Variants in RABEPK observed in about 807,000 individuals in gnomAD.
The protein encoded by RABEPK is Rab9 effector protein with kelch motifs, also known as 40 kDa Rab9 effector protein.
Under a neutral mutation model 34.1 loss-of-function variants are expected in RABEPK, and 27 were observed. That is an observed-to-expected ratio of 0.79 (90% CI 0.58 to 1.09). RABEPK has a LOEUF of 1.09. Ranked by LOEUF, RABEPK falls within the 50% of genes least tolerant of loss-of-function variation. The pLI, the probability that RABEPK is intolerant of heterozygous loss-of-function variation, is 0.00. For missense variants in RABEPK, 449 were observed against 462.6 expected, an observed-to-expected ratio of 0.97 and a Z score of 0.27; for synonymous variants, 172 against 169.2, an observed-to-expected ratio of 1.02 and a Z score of -0.13.
intron 6 of RABEPK, 61 bp from the exon 7 acceptor site, chr9:125,232,535 G>A (rs1588420748): frequency 6.5e-7 from 1 of 1,532,464 alleles, no homozygotes; most frequent in Non-Finnish European, 8.8e-7. Flanking sequence ...ACAGTAGATA[G>A]ATAAGTTTGA....
intron 1 of RABEPK, among the ~76,000 whole-genome samples, chr9:125,202,649 G>A (rs1165482867): frequency 6.6e-6 from 1 of 152,058 alleles, no homozygotes; most frequent in African/African-American, 2.4e-5. Context: ...GACCAACATG[G>A]TGAAACTCCA....
Position 125,224,189 on chromosome 9 carries a change from C to CT in RABEPK, c.526+3490dup, listed in dbSNP as rs1245274729. ...CCAGCCTGGGCAACAGAGCAACACT[C>CT]TATCTCAAAAAACAAAAACAAAACA... On this transcript the variant is annotated intron_variant, in intron 5 of 7. Coordinates refer to ENST00000373538, the MANE Select transcript of RABEPK (RefSeq NM_005833.4). 1.5e-4 allele frequency among the ~76,000 whole-genome samples: 22 copies of CT among 145,458 alleles called. No individual in the cohort carries two copies. The South Asian group carries it at 2.9e-3, about 19-fold the overall frequency.
Position 125,200,573 on chromosome 9 carries a change from C to A in RABEPK, c.-340C>A. 2.4e-6 allele frequency: 1 copy of A among 409,322 alleles called. No homozygotes were observed. Among genetic ancestry groups the A allele is most frequent in the Middle Eastern group, 4.0e-4 (1 of 2,492 alleles). 25.4% of individuals were successfully genotyped at this position (409,322 alleles called of 1,614,324 possible). On this transcript the variant is annotated 5_prime_UTR_variant, in exon 1 of 8. Coordinates refer to ENST00000373538, the MANE Select transcript of RABEPK (RefSeq NM_005833.4). The stretch of plus-strand genomic sequence containing the variant: ...ACGGCTCGCGACTGGCCTAAGTCGC[C>A]GCAGGTATTGCAGTCCGGGGCTGGA...
chr9:125,227,768 G>C, intron 5 of RABEPK, 142 bp from the exon 6 acceptor site: 1 of 560,418 alleles, frequency 1.8e-6, no homozygotes, highest in South Asian at 4.5e-5. Context: ...ATTGGCTGGG[G>C]GAGTTGGAGT....
Position 125,228,011 on chromosome 9 carries a change from G to T in RABEPK, c.628G>T (p.Gly210Cys). The T allele has an allele frequency of 1.2e-6, 2 of 1,605,962 alleles. No individual in the cohort carries two copies. The highest frequency in any genetic ancestry group is 1.7e-6 in the Non-Finnish European group (2 of 1,175,270). ...AGGGACAAAGCTCTTCATCCACGGAGGCTTGGCGGGGGACAGATTCTATGA... is the reference window on the plus strand; with the variant it reads ...AGGGACAAAGCTCTTCATCCACGGATGCTTGGCGGGGGACAGATTCTATGA... ...AAGTKLFIHG[G>C]LAGDRFYDDL... The change falls in exon 6 of 8, where the codon GGC becomes TGC. Residue 210 changes from glycine (G) to cysteine (C), a missense_variant. Gly to Cys is a radical substitution (Grantham distance 159, BLOSUM62 -3). Transcript: ENST00000373538.
At position 125,204,159 on chromosome 9, in the gene RABEPK, C is replaced by G. The variant is rs188630380; in HGVS notation, c.53+1093C>G. ...ACCACTCTGGCTAACATGGTGAAAC[C>G]CTGTCTCTACTAAAAATACAAAAAA... On this transcript the variant is annotated intron_variant, in intron 2 of 7. Transcript: ENST00000373538. Among the ~76,000 whole-genome samples, 62 of 151,660 alleles carry G rather than the reference C, an allele frequency of 4.1e-4. No individual in the cohort carries two copies. The East Asian group carries it at 0.011, about 27-fold the overall frequency.
At position 125,226,154 on chromosome 9, in the gene RABEPK, A is replaced by C. The variant is rs1831729317; in HGVS notation, c.527-1756A>C. ...AAGAGAGTAAGACTTTGTCTCAAAAAAAAAAAAAAAAAATTAGCTGGGTGT... is the reference window on the plus strand; with the variant it reads ...AAGAGAGTAAGACTTTGTCTCAAAACAAAAAAAAAAAAATTAGCTGGGTGT... On this transcript the variant is annotated intron_variant, in intron 5 of 7. Transcript: ENST00000373538. Among the ~76,000 whole-genome samples, 4 of 150,190 alleles carry C rather than the reference A, an allele frequency of 2.7e-5. No individual in the cohort carries two copies. In the South Asian group the frequency reaches 6.3e-4, roughly 24 times the overall value.
chr9:125,222,833 T>A (rs909303267), intron 5 of RABEPK, among the ~76,000 whole-genome samples: 3 of 151,788 alleles, frequency 2.0e-5, no homozygotes, highest in African/African-American at 7.3e-5. Context: ...CATTTTGAAA[T>A]GATGATTATT....
chr9:125,222,713 C>CAAAAA (rs756826019), intron 5 of RABEPK, among the ~76,000 whole-genome samples: 1 of 48,376 alleles, frequency 2.1e-5, no homozygotes, highest in Non-Finnish European at 3.8e-5. Flanking sequence ...GACTCTGTAT[C>CAAAAA]AAAAAAAAAA....
intron 3 of RABEPK, among the ~76,000 whole-genome samples, 190 bp from the exon 4 acceptor site, chr9:125,213,180 T>C (rs1830694783): frequency 6.6e-6 from 1 of 152,024 alleles, no homozygotes; most frequent in Non-Finnish European, 1.5e-5. Context: ...TAGAACGGGG[T>C]CTATGGACTA....
intron 6 of RABEPK, among the ~76,000 whole-genome samples, chr9:125,230,762 C>G (rs1832114229): frequency 6.6e-6 from 1 of 151,160 alleles, no homozygotes; most frequent in Non-Finnish European, 1.5e-5. Context: ...GTCTCAATCT[C>G]CTGACCTTGT....
chr9:125,209,236 T>C (rs1242030397), intron 3 of RABEPK, among the ~76,000 whole-genome samples: 2 of 151,548 alleles, frequency 1.3e-5, no homozygotes, highest in South Asian at 2.1e-4. Flanking sequence ...AATTTTTGTA[T>C]TTTTAGTAGA....
chr9:125,220,869 T>A, intron 5 of RABEPK, 169 bp downstream of exon 5: 2 of 903,398 alleles, frequency 2.2e-6, no homozygotes, highest in Non-Finnish European at 3.1e-6. Context: ...AATTGGCATT[T>A]AAAAAGGGAT....
chr9:125,204,530 G>A (rs1830098026), intron 2 of RABEPK, among the ~76,000 whole-genome samples: 1 of 151,828 alleles, frequency 6.6e-6, no homozygotes, highest in African/African-American at 2.4e-5. Context: ...GCAGCAAGCC[G>A]AGATGGTGCC....
chr9:125,222,933 A>G (rs911607188), intron 5 of RABEPK, among the ~76,000 whole-genome samples: 1 of 151,942 alleles, frequency 6.6e-6, no homozygotes, highest in Non-Finnish European at 1.5e-5. Context: ...TGGTCCCTCA[A>G]AGTGCTGGGA....
At position 125,200,625 on chromosome 9, in the gene RABEPK, C is replaced by T. The variant is rs1423159616; in HGVS notation, c.-288C>T. ...GGTAGGGGCGAGGGTCCCCGGATAC[C>T]GGGTCTATCACGGTCTCGGGCAGGG... On this transcript the variant is annotated 5_prime_UTR_variant, in exon 1 of 8. Transcript: ENST00000373538. 15 of 462,654 alleles carry T rather than the reference C, an allele frequency of 3.2e-5. No individual in the cohort carries two copies. Among genetic ancestry groups the T allele is most frequent in the Admixed American group, 7.1e-5 (3 of 42,162 alleles). The allele number at this position is 462,654 out of a possible 1,614,324, so 28.7% of individuals were successfully genotyped here.
rs1294292475 is a variant in RABEPK at position 125,203,043 on chromosome 9, A to G, written c.30A>G (p.Gly10=). The G allele has an allele frequency of 6.2e-7, 1 of 1,613,566 alleles. No homozygotes were observed. Among genetic ancestry groups the G allele is most frequent in the Non-Finnish European group, 8.5e-7 (1 of 1,179,732 alleles). MKQLPVLEP[G]DKPRKATWYT... is the part of the protein sequence containing the mutation. ...AGCAACTGCCAGTCTTGGAACCTGG[A>G]GACAAGCCCAGGAAAGCAACATGGT... Residue 10 remains glycine (G), a synonymous_variant, in exon 2 of 8, where the codon GGA becomes GGG. Transcript: ENST00000373538.
At position 125,207,749 on chromosome 9, in the gene RABEPK, C is replaced by T. The variant is rs780405318; in HGVS notation, c.211+28C>T. 12 of 1,612,470 alleles carry T rather than the reference C, an allele frequency of 7.4e-6. No homozygotes were observed. The African/African-American group carries it at 1.5e-4, about 20-fold the overall frequency. On this transcript the variant is annotated intron_variant, in intron 3 of 7. Coordinates refer to ENST00000373538, the MANE Select transcript of RABEPK (RefSeq NM_005833.4). ...AAGATCAGCAGCTGCAGAGTACATGCCCTATGGCCAGAGAACAGGGCTGTG... is the reference window on the plus strand; with the variant it reads ...AAGATCAGCAGCTGCAGAGTACATGTCCTATGGCCAGAGAACAGGGCTGTG...
At chr9:125,207,938 A>G (rs1291348931) in intron 3 of RABEPK, among the ~76,000 whole-genome samples, 1 of 152,166 alleles carries the variant, frequency 6.6e-6, no homozygotes, top group Non-Finnish European at 1.5e-5. Context: ...CAGCCTGACC[A>G]ATATGATGAA....
Sources: allele counts gnomAD v4.1 joint callset (sites outside exome capture counted in the v4.1 genomes callset), GRCh38; gene constraint gnomAD v4.1.1; transcripts MANE v1.5; gene names NCBI Gene and HGNC (gene_info 2026-07-23, HGNC 2026-07-21).